CCDC171: variants seen among roughly 807,000 people sequenced by gnomAD.
The protein encoded by CCDC171 is coiled-coil domain-containing protein 171.
Under a neutral mutation model 168.2 loss-of-function variants are expected in CCDC171, and 177 were observed. The ratio of observed to expected loss-of-function variants is 1.05; its 90% CI spans 0.93 to 1.19. CCDC171 has a LOEUF of 1.19. Ranked by LOEUF, CCDC171 falls within the 50% of genes most tolerant of loss-of-function variation. CCDC171 has a pLI of 0.00. For missense variants in CCDC171, 1,991 were observed against 1,539.0 expected (o/e 1.29, Z -4.91); for synonymous variants, 687 against 540.8 (o/e 1.27, Z -3.75).
chr9:15,561,246 T>C (rs1412194186), intron 1 of CCDC171, among the ~76,000 whole-genome samples: 2 of 152,330 alleles, frequency 1.3e-5, no homozygotes, highest in East Asian at 3.9e-4. Context: ...TTTAATACGA[T>C]GCCTGGAGAA....
At chr9:15,708,051 T>C (rs940401977) in intron 11 of CCDC171, among the ~76,000 whole-genome samples, 1 of 152,202 alleles carries the variant, frequency 6.6e-6, no homozygotes, top group Non-Finnish European at 1.5e-5. Context: ...TTTCATCATG[T>C]TGGCCAGGCT....
chr9:15,580,038 C>G (rs1563978158), intron 4 of CCDC171, among the ~76,000 whole-genome samples: 1 of 152,104 alleles, frequency 6.6e-6, no homozygotes. Flanking sequence ...ACTAATGGAA[C>G]AGAACAGAGT....
At chr9:15,920,962 T>TA (rs35528529) in intron 25 of CCDC171, among the ~76,000 whole-genome samples, 53 of 146,082 alleles carry the variant, frequency 3.6e-4, no homozygotes, top group African/African-American at 5.1e-4. Flanking sequence ...CACTTAACAC[T>TA]AAAAAAAAAA....
chr9:16,051,895 T>C (rs899404014), intron 1 of CCDC171, among the ~76,000 whole-genome samples: 1 of 152,168 alleles, frequency 6.6e-6, no homozygotes, highest in Non-Finnish European at 1.5e-5. Context: ...CTCAAAGTCA[T>C]GGAGGAAGTC....
chr9:15,615,671 A>G (rs1354021426), intron 6 of CCDC171, among the ~76,000 whole-genome samples: 1 of 152,148 alleles, frequency 6.6e-6, no homozygotes, highest in African/African-American at 2.4e-5. Flanking sequence ...GATTAAATTT[A>G]AACTTGGTGG....
chr9:15,613,300 G>C (rs139569212), intron 6 of CCDC171, among the ~76,000 whole-genome samples: 2 of 152,202 alleles, frequency 1.3e-5, no homozygotes, highest in South Asian at 4.1e-4. Context: ...CTTGGGAATT[G>C]TGACTTTAAG....
At chr9:15,677,172 G>T (rs1052690541) in intron 9 of CCDC171, among the ~76,000 whole-genome samples, 61 of 151,846 alleles carry the variant, frequency 4.0e-4, no homozygotes, top group Non-Finnish European at 4.0e-4. Flanking sequence ...TCTTTCTCTG[G>T]ACTCCTTTAT....
intron 16 of CCDC171, among the ~76,000 whole-genome samples, chr9:15,741,109 G>C (rs2054850677): frequency 6.6e-6 from 1 of 151,942 alleles, no homozygotes; most frequent in South Asian, 2.1e-4. Flanking sequence ...TAAGGATATT[G>C]ATATTTTAAA....
At chr9:15,812,410 C>A (rs560931252) in intron 21 of CCDC171, among the ~76,000 whole-genome samples, 30 of 152,312 alleles carry the variant, frequency 2.0e-4, no homozygotes, top group African/African-American at 5.3e-4. Flanking sequence ...TGGAAGCAAA[C>A]AGATTGAAAA....
At chr9:15,602,632 C>CTTTTTTTTTT (rs1050799184) in intron 6 of CCDC171, among the ~76,000 whole-genome samples, 20 of 31,022 alleles carry the variant, frequency 6.4e-4, no homozygotes, top group African/African-American at 1.4e-3. Flanking sequence ...TTTCTCATTT[C>CTTTTTTTTTT]TTTTTTTTTT....
At chr9:15,765,138 A>G (rs2056653093) in intron 18 of CCDC171, among the ~76,000 whole-genome samples, 1 of 152,212 alleles carries the variant, frequency 6.6e-6, no homozygotes, top group Non-Finnish European at 1.5e-5. Flanking sequence ...AGATAGAGAT[A>G]ACTGATGACC....
chr9:15,874,425 G>A (rs568763400), intron 23 of CCDC171, 107 bp from the exon 24 acceptor site: 2 of 848,272 alleles, frequency 2.4e-6, no homozygotes, highest in Admixed American at 3.0e-5. Flanking sequence ...TGGATTTCAG[G>A]TCCAGCGATC....
chr9:15,598,304 C>G (rs1286274167), intron 6 of CCDC171, among the ~76,000 whole-genome samples: 5 of 151,914 alleles, frequency 3.3e-5, no homozygotes, highest in East Asian at 1.9e-4. Context: ...AAATTTCCCT[C>G]TATACACTGG....
chr9:15,831,891 C>T (rs1346013559), intron 21 of CCDC171, among the ~76,000 whole-genome samples: 1 of 151,812 alleles, frequency 6.6e-6, no homozygotes, highest in Non-Finnish European at 1.5e-5. Context: ...TTCTTGGTTT[C>T]TTTCTTTCTT....
At chr9:15,652,219 A>G (rs1443348063) in intron 7 of CCDC171, among the ~76,000 whole-genome samples, 1 of 152,178 alleles carries the variant, frequency 6.6e-6, no homozygotes, top group Non-Finnish European at 1.5e-5. Flanking sequence ...TTTATATGAT[A>G]TGAGGTATGG....
the CCDC171 span, among the ~76,000 whole-genome samples, chr9:16,100,424 G>A: frequency 2.6e-5 from 4 of 152,238 alleles, no homozygotes; most frequent in South Asian, 8.3e-4. Flanking sequence ...TGGGGGGTCT[G>A]GTGGAAGTTC....
At chr9:16,083,112 G>T in the CCDC171 span, among the ~76,000 whole-genome samples, 6 of 152,282 alleles carry the variant, frequency 3.9e-5, no homozygotes, top group African/African-American at 1.2e-4. Context: ...TTAAAAGAAT[G>T]ACAACTTAAA....
chr9:15,775,360 G>C (rs1434662128), intron 18 of CCDC171, among the ~76,000 whole-genome samples: 1 of 152,148 alleles, frequency 6.6e-6, no homozygotes. Context: ...TTATTTGTTT[G>C]TTTATTTATT....
chr9:15,783,565 A>T (rs1320343914), intron 20 of CCDC171, among the ~76,000 whole-genome samples: 2 of 152,170 alleles, frequency 1.3e-5, no homozygotes, highest in Non-Finnish European at 2.9e-5. Context: ...TTTTCCACAT[A>T]TATTTCTCAG....
Sources: gnomAD v4.1 joint callset for allele counts (sites outside exome capture counted in the v4.1 genomes callset) on GRCh38, gnomAD v4.1.1 for gene constraint, MANE v1.5 for transcripts, NCBI Gene and HGNC (gene_info 2026-07-23, HGNC 2026-07-21) for gene names.